The following ARHGAP32 variants were observed in gnomAD, a reference collection of about 807,000 sequenced individuals.
ARHGAP32 encodes Rho GTPase activating protein 32, also known as rho GTPase-activating protein 32.
Under a neutral mutation model 186.5 loss-of-function variants are expected in ARHGAP32, and 51 were observed. The observed-to-expected ratio is 0.27, with a 90% CI of 0.22 to 0.35. The LOEUF (loss-of-function observed/expected upper bound fraction) is 0.35, where lower values mean the gene tolerates loss of function less well. Ranked by LOEUF, ARHGAP32 falls within the 10% of genes least tolerant of loss-of-function variation. ARHGAP32 has a pLI of 1.00. For missense variants in ARHGAP32, 2,186 were observed against 2,623.5 expected (o/e 0.83, Z 3.64); for synonymous variants, 950 against 964.3 (o/e 0.99, Z 0.27).
chr11:129,003,731 T>A (rs1937627568), intron 11 of ARHGAP32, among the ~76,000 whole-genome samples: 1 of 152,162 alleles, frequency 6.6e-6, no homozygotes, highest in East Asian at 1.9e-4. Context: ...TTGCAATGTC[T>A]CCTTTTTCAT....
intron 2 of ARHGAP32, among the ~76,000 whole-genome samples, chr11:129,143,912 T>C (rs1943115375): frequency 6.6e-6 from 1 of 152,192 alleles, no homozygotes; most frequent in African/African-American, 2.4e-5. Flanking sequence ...ACAGTATATA[T>C]AGTGTTCATT....
chr11:128,968,469 AAGG>A lies in ARHGAP32; in HGVS notation c.*435_*437del, dbSNP rs1310994922. The A allele has an allele frequency of 6.5e-6, 1 of 152,968 alleles. No individual in the cohort carries two copies. The highest frequency in any genetic ancestry group is 2.4e-5 in the African/African-American group (1 of 41,490). 9.5% of individuals were successfully genotyped at this position (152,968 alleles called of 1,614,324 possible). ...ATCTGCGCAAGTTGTGCAGCTACTG[AAGG>A]AGAAGCAGGAACACAACAGGGAATG... On this transcript the variant is annotated 3_prime_UTR_variant, in exon 23 of 23. Coordinates refer to ENST00000682385, the MANE Select transcript of ARHGAP32 (RefSeq NM_001378024.1).
intron 12 of ARHGAP32, among the ~76,000 whole-genome samples, chr11:128,989,361 A>G (rs1945969973): frequency 6.6e-6 from 1 of 152,106 alleles, no homozygotes; most frequent in Non-Finnish European, 1.5e-5. Context: ...TCCTACAAGG[A>G]AAGTACTATA....
chr11:129,209,685 T>A lies in ARHGAP32; in HGVS notation c.-4-45258A>T, dbSNP rs999322337. Among the ~76,000 whole-genome samples the A allele has an allele frequency of 1.5e-3, 231 of 151,004 alleles. 3 individuals carry two copies. Among genetic ancestry groups the A allele is most frequent in the Non-Finnish European group, 2.0e-3 (136 of 67,732 alleles). On this transcript the variant is annotated intron_variant, in intron 1 of 6. Coordinates refer to the ARHGAP32 transcript ENST00000525234. ...AAATTTTGCAAAAAAAAAAAAATTGTAAAAAGTTCTGAAAAATGTAATACA... is the reference window on the plus strand; with the variant it reads ...AAATTTTGCAAAAAAAAAAAAATTGAAAAAAGTTCTGAAAAATGTAATACA...
chr11:129,104,735 G>A (rs1478882262), intron 5 of ARHGAP32, among the ~76,000 whole-genome samples: 1 of 151,792 alleles, frequency 6.6e-6, no homozygotes, highest in African/African-American at 2.4e-5. Flanking sequence ...TGGTAAAGTA[G>A]GTGGCTACAA....
intron 2 of ARHGAP32, among the ~76,000 whole-genome samples, chr11:129,133,816 C>T (rs542923446): frequency 6.6e-6 from 1 of 152,034 alleles, no homozygotes; most frequent in African/African-American, 2.4e-5. Flanking sequence ...TTGGCCCTTC[C>T]GGCATGAAGA....
At chr11:129,271,299 T>G (rs923887871) in intron 1 of ARHGAP32, among the ~76,000 whole-genome samples, 1 of 151,916 alleles carries the variant, frequency 6.6e-6, no homozygotes, top group African/African-American at 2.4e-5. Context: ...AAAAGTGAGA[T>G]GTAGTCAGGT....
At chr11:129,195,718 A>T (rs991296180), upstream of ARHGAP32, among the ~76,000 whole-genome samples, 1 of 152,192 alleles carries the variant, frequency 6.6e-6, no homozygotes, top group Non-Finnish European at 1.5e-5. Flanking sequence ...CCGTCTCAAA[A>T]AAAAAGGAAA....
At chr11:129,156,425 C>T (rs1444676250) in intron 2 of ARHGAP32, among the ~76,000 whole-genome samples, 1 of 152,154 alleles carries the variant, frequency 6.6e-6, no homozygotes, top group Admixed American at 6.5e-5. Flanking sequence ...TCCACCATTA[C>T]CGAGGCTTGA....
In ARHGAP32 at chr11:128,998,347, C is replaced by T. The variant is rs867875520; in HGVS notation, c.1167G>A (p.Gly389=). Reference sequence around the variant, plus strand: ...CAAAACCAGAATTTAGAAGGTGTTCCCCCAGGTCACAACCAAACACCCTCT... The same window carrying T: ...CAAAACCAGAATTTAGAAGGTGTTCTCCCAGGTCACAACCAAACACCCTCT... ...LKERVFGCDL[G]EHLLNSGFEV... is the part of the protein sequence containing the mutation. The change falls in exon 12 of 23, where the codon GGG becomes GGA. Residue 389 remains glycine, a synonymous_variant. Transcript: ENST00000682385. The T allele has an allele frequency of 5.1e-6, 8 of 1,582,880 alleles. No homozygotes were observed. The South Asian group carries it at 6.0e-5, about 12-fold the overall frequency.
intron 6 of ARHGAP32, among the ~76,000 whole-genome samples, chr11:129,072,182 T>G (rs1940890083): frequency 6.6e-6 from 1 of 152,214 alleles, no homozygotes; most frequent in East Asian, 1.9e-4. Flanking sequence ...TGTGTTGGTC[T>G]CATTTGCTTC....
chr11:129,161,353 A>G (rs1943525946), intron 2 of ARHGAP32, among the ~76,000 whole-genome samples: 1 of 152,204 alleles, frequency 6.6e-6, no homozygotes, highest in Non-Finnish European at 1.5e-5. Context: ...AGAAACTATC[A>G]TCAGAGTGAA....
rs114488288 is a variant in ARHGAP32 at position 129,240,583 on chromosome 11, C to T, written c.-5+38563G>A. Among the ~76,000 whole-genome samples, 495 of 152,220 alleles carry T rather than the reference C, an allele frequency of 3.3e-3. 4 individuals carry two copies. The highest frequency in any genetic ancestry group is 0.011 in the African/African-American group (474 of 41,530). On this transcript the variant is annotated intron_variant, in intron 1 of 6. Transcript: ENST00000525234. The stretch of plus-strand genomic sequence containing the variant: ...CTTACTTTTAGTTGAATTACTCTTG[C>T]GGGCCAAAGCTGTCTTGTCTCTGAA...
intron 1 of ARHGAP32, among the ~76,000 whole-genome samples, chr11:129,225,334 G>A (rs1944765983): frequency 6.6e-6 from 1 of 152,076 alleles, no homozygotes. Flanking sequence ...CATGCTCAAA[G>A]AAGTCCGGAC....
intron 2 of ARHGAP32, among the ~76,000 whole-genome samples, chr11:129,152,129 T>C (rs1943301290): frequency 6.6e-6 from 1 of 152,152 alleles, no homozygotes; most frequent in African/African-American, 2.4e-5. Flanking sequence ...AGGAGATGGA[T>C]AACTTCCTGG....
intron 1 of ARHGAP32, among the ~76,000 whole-genome samples, chr11:129,188,292 G>C (rs1944203695): frequency 6.6e-6 from 1 of 152,074 alleles, no homozygotes; most frequent in Non-Finnish European, 1.5e-5. Flanking sequence ...TGTACTTCCA[G>C]GATCATTAAA....
intron 10 of ARHGAP32, among the ~76,000 whole-genome samples, chr11:129,045,272 C>A (rs1259877187): frequency 6.6e-6 from 1 of 152,184 alleles, no homozygotes; most frequent in Non-Finnish European, 1.5e-5. Context: ...CTAGATCTGT[C>A]GTGGTCATCA....
chr11:129,084,603 C>T (rs963153962), intron 6 of ARHGAP32, among the ~76,000 whole-genome samples: 3 of 152,010 alleles, frequency 2.0e-5, no homozygotes, highest in Non-Finnish European at 4.4e-5. Flanking sequence ...TTAAGAAAAT[C>T]CATCACCCAT....
At chr11:129,200,596 T>C (rs1159310476) in intron 1 of ARHGAP32, among the ~76,000 whole-genome samples, 3 of 152,194 alleles carry the variant, frequency 2.0e-5, no homozygotes, top group African/African-American at 7.2e-5. Flanking sequence ...TAAACCTCTT[T>C]TTCTTTATAA....
Sources: gnomAD v4.1 joint callset for allele counts (sites outside exome capture counted in the v4.1 genomes callset) on GRCh38, gnomAD v4.1.1 for gene constraint, MANE v1.5 for transcripts, NCBI Gene and HGNC (gene_info 2026-07-23, HGNC 2026-07-21) for gene names.